Variants in APBA1 observed in about 807,000 individuals in gnomAD.
APBA1 encodes amyloid-beta A4 precursor protein-binding family A member 1.
A neutral mutation model predicts 86.6 loss-of-function variants in APBA1; 55 were observed. The ratio of observed to expected loss-of-function variants is 0.64; its 90% CI spans 0.51 to 0.80. APBA1 has a LOEUF of 0.80. Ranked by LOEUF, APBA1 falls within the 30% of genes least tolerant of loss-of-function variation. The pLI is 0.00. For synonymous variants in APBA1, 511 were observed against 493.9 expected (o/e 1.03, Z -0.46); for missense variants, 1,090 against 1,183.0 (o/e 0.92, Z 1.15).
At chr9:69,457,318 G>A (rs752293393) in intron 6 of APBA1, among the ~76,000 whole-genome samples, 179 bp from the exon 7 acceptor site, 2 of 152,192 alleles carry the variant, frequency 1.3e-5, no homozygotes, top group Admixed American at 6.5e-5. Context: ...ACATGGACAA[G>A]AGTTAGCACC....
At chr9:69,456,133 A>G in intron 8 of APBA1, 114 bp downstream of exon 8, 3 of 1,178,748 alleles carry the variant, frequency 2.5e-6, no homozygotes, top group African/African-American at 3.0e-5. Flanking sequence ...AGTGCCTGAC[A>G]CACAGTACGT....
intron 2 of APBA1, among the ~76,000 whole-genome samples, chr9:69,483,285 C>G (rs956776781): frequency 2.6e-5 from 4 of 151,908 alleles, no homozygotes; most frequent in Non-Finnish European, 5.9e-5. Flanking sequence ...GATGTATTCT[C>G]TCAGGAAGTG....
chr9:69,667,394 C>T (rs2134031946), intron 1 of APBA1, among the ~76,000 whole-genome samples: 1 of 152,112 alleles, frequency 6.6e-6, no homozygotes, highest in Middle Eastern at 3.4e-3. Context: ...CTTTTATTCA[C>T]TCCTAATTGA....
At chr9:69,575,193 C>T (rs1382695160) in intron 1 of APBA1, among the ~76,000 whole-genome samples, 1 of 152,172 alleles carries the variant, frequency 6.6e-6, no homozygotes, top group African/African-American at 2.4e-5. Flanking sequence ...ACTGGGATTA[C>T]AGGTGTGAGC....
At chr9:69,447,013 C>A (rs1412959494) in intron 10 of APBA1, among the ~76,000 whole-genome samples, 1 of 152,200 alleles carries the variant, frequency 6.6e-6, no homozygotes, top group Non-Finnish European at 1.5e-5. Flanking sequence ...GGCTGGAAGT[C>A]TGAGCTCAGC....
rs568303185 is a variant in APBA1 at position 69,655,988 on chromosome 9, T to G, written c.-70+16165A>C. Among the ~76,000 whole-genome samples the G allele has an allele frequency of 1.3e-3, 192 of 152,356 alleles. 1 individual carries two copies. The highest frequency in any genetic ancestry group is 3.5e-3 in the Admixed American group (53 of 15,308). Reference sequence around the variant, plus strand: ...ATGATTATACAATGTGCACATGTATTAAAGCCTCACACTGTATCCCATACA... The same window carrying G: ...ATGATTATACAATGTGCACATGTATGAAAGCCTCACACTGTATCCCATACA... On this transcript the variant is annotated intron_variant, in intron 1 of 12. Coordinates refer to ENST00000265381, the MANE Select transcript of APBA1 (RefSeq NM_001163.4).
rs1834780770 is a variant in APBA1 at position 69,439,907 on chromosome 9, T to G, written c.2301+1089A>C. 2.6e-5 allele frequency among the ~76,000 whole-genome samples: 4 copies of G among 152,224 alleles called. No homozygotes were observed. In the South Asian group the frequency reaches 8.3e-4, roughly 32 times the overall value. ...TTCTGCTCTGTTTTTTCCCCATCTT[T>G]GTGGTTTTATCTACCTTTGGTCTTT... On this transcript the variant is annotated intron_variant, in intron 11 of 12. Coordinates refer to ENST00000265381, the MANE Select transcript of APBA1 (RefSeq NM_001163.4).
chr9:69,441,313 G>A (rs927624557), intron 10 of APBA1, among the ~76,000 whole-genome samples, 198 bp from the exon 11 acceptor site: 1 of 152,188 alleles, frequency 6.6e-6, no homozygotes, highest in Non-Finnish European at 1.5e-5. Flanking sequence ...GACGCCACAT[G>A]TTGCAGATGG....
intron 2 of APBA1, among the ~76,000 whole-genome samples, chr9:69,477,428 C>T (rs1036183063): frequency 2.3e-5 from 3 of 130,446 alleles, no homozygotes; most frequent in South Asian, 2.5e-4. Flanking sequence ...TAAAAAACCG[C>T]GCACCACGAG....
At chr9:69,637,477 T>C (rs1439971978) in intron 1 of APBA1, among the ~76,000 whole-genome samples, 1 of 152,194 alleles carries the variant, frequency 6.6e-6, no homozygotes, top group Non-Finnish European at 1.5e-5. Context: ...AAATATCTCA[T>C]GTACCCCATA....
intron 8 of APBA1, among the ~76,000 whole-genome samples, chr9:69,455,006 A>G (rs553041923): frequency 4.6e-4 from 70 of 152,270 alleles, no homozygotes; most frequent in African/African-American, 1.6e-3. Context: ...CCAATAAAAG[A>G]TGGTGACAGT....
chr9:69,568,293 G>T (rs1837062564), intron 1 of APBA1, among the ~76,000 whole-genome samples: 1 of 152,158 alleles, frequency 6.6e-6, no homozygotes. Context: ...CTTCATGAAA[G>T]ATCCAGAGTT....
chr9:69,435,384 T>G lies in APBA1; in HGVS notation c.2302-2708A>C, dbSNP rs544389707. Among the ~76,000 whole-genome samples, 144 of 152,184 alleles carry G rather than the reference T, an allele frequency of 9.5e-4. No individual in the cohort carries two copies. The South Asian group carries it at 0.013, about 14-fold the overall frequency. ...GGAATCGCCACACTGACTTCCACAA[T>G]GGTTGAACTAGTTTACAGTCCCACC... On this transcript the variant is annotated intron_variant, in intron 11 of 12. Coordinates refer to ENST00000265381, the MANE Select transcript of APBA1 (RefSeq NM_001163.4).
At position 69,593,084 on chromosome 9, in the gene APBA1, G is replaced by A. The variant is rs190514632; in HGVS notation, c.-69-75805C>T. On this transcript the variant is annotated intron_variant, in intron 1 of 12. Coordinates refer to ENST00000265381, the MANE Select transcript of APBA1 (RefSeq NM_001163.4). ...CAGAGTAATTATCACTGTTAGAAGTGGCTTTACAGTGTCTATACCTCATTC... is the reference window on the plus strand; with the variant it reads ...CAGAGTAATTATCACTGTTAGAAGTAGCTTTACAGTGTCTATACCTCATTC... Among the ~76,000 whole-genome samples the A allele has an allele frequency of 3.1e-3, 468 of 152,274 alleles. 3 individuals carry two copies. The highest frequency in any genetic ancestry group is 0.011 in the African/African-American group (445 of 41,548).
chr9:69,568,332 C>T (rs192722899), intron 1 of APBA1, among the ~76,000 whole-genome samples: 5 of 152,328 alleles, frequency 3.3e-5, no homozygotes, highest in Admixed American at 2.6e-4. Flanking sequence ...GCATCATTCT[C>T]TCCTTTGAAA....
chr9:69,635,808 T>G (rs999018906), intron 1 of APBA1, among the ~76,000 whole-genome samples: 1 of 152,132 alleles, frequency 6.6e-6, no homozygotes, highest in Non-Finnish European at 1.5e-5. Context: ...ACTGTAAATA[T>G]ATATGCACCC....
intron 1 of APBA1, among the ~76,000 whole-genome samples, chr9:69,605,012 C>A (rs1004612480): frequency 6.6e-6 from 1 of 152,176 alleles, no homozygotes; most frequent in Non-Finnish European, 1.5e-5. Flanking sequence ...ATGAGAAATT[C>A]TTAAACATGC....
At chr9:69,500,969 T>C (rs562704127) in intron 2 of APBA1, among the ~76,000 whole-genome samples, 1 of 152,254 alleles carries the variant, frequency 6.6e-6, no homozygotes, top group African/African-American at 2.4e-5. Context: ...AAAAAGTCTA[T>C]TTTCAGCTAT....
At chr9:69,464,125 C>G (rs907893288) in intron 5 of APBA1, 1 of 152,716 alleles carries the variant, frequency 6.5e-6, no homozygotes, top group East Asian at 1.9e-4. Context: ...GCACTCTTTG[C>G]CCCCAGCTTC....
Sources: gnomAD v4.1 joint callset for allele counts (sites outside exome capture counted in the v4.1 genomes callset) on GRCh38, gnomAD v4.1.1 for gene constraint, MANE v1.5 for transcripts, NCBI Gene and HGNC (gene_info 2026-07-23, HGNC 2026-07-21) for gene names.